Variants in PIK3C2B observed in about 807,000 individuals in gnomAD.
PIK3C2B encodes phosphatidylinositol-4-phosphate 3-kinase catalytic subunit type 2 beta.
Under a neutral mutation model 184.3 loss-of-function variants are expected in PIK3C2B, and 83 were observed. The ratio of observed to expected loss-of-function variants is 0.45; its 90% CI spans 0.38 to 0.54. The LOEUF (loss-of-function observed/expected upper bound fraction) is 0.54, where lower values mean the gene tolerates loss of function less well. Ranked by LOEUF, PIK3C2B falls within the 20% of genes least tolerant of loss-of-function variation. The probability of loss-of-function intolerance (pLI) is 0.00; values close to 1 mark genes in which losing one functional copy is unlikely to be tolerated. For synonymous variants in PIK3C2B, 779 were observed against 837.6 expected (o/e 0.93, Z 1.21); for missense variants, 1,736 against 2,113.5 (o/e 0.82, Z 3.50).
At chr1:204,466,779 A>G (rs1655832914) in intron 2 of PIK3C2B, 1 of 506,848 alleles carries the variant, frequency 2.0e-6, no homozygotes, top group African/African-American at 2.0e-5. Flanking sequence ...ACGTTTGCCC[A>G]GCTGGCAGGC....
At chr1:204,485,245 G>A (rs769610609) in intron 1 of PIK3C2B, among the ~76,000 whole-genome samples, 24 of 151,924 alleles carry the variant, frequency 1.6e-4, no homozygotes, top group Admixed American at 9.2e-4. Flanking sequence ...CTTCAGGAAA[G>A]GAAATCCCCC....
At chr1:204,453,824 A>G (rs1475836429) in intron 12 of PIK3C2B, among the ~76,000 whole-genome samples, 1 of 151,318 alleles carries the variant, frequency 6.6e-6, no homozygotes, top group Non-Finnish European at 1.5e-5. Flanking sequence ...CCCAGGCTGG[A>G]GTGCAATGGC....
chr1:204,485,117 C>T (rs539994796), intron 1 of PIK3C2B, among the ~76,000 whole-genome samples: 11 of 151,156 alleles, frequency 7.3e-5, no homozygotes, highest in Non-Finnish European at 1.3e-4. Flanking sequence ...GGTGTGATCA[C>T]GGATCACTGC....
At chr1:204,468,819 T>C in intron 2 of PIK3C2B, 51 bp downstream of exon 2, 1 of 1,469,414 alleles carries the variant, frequency 6.8e-7, no homozygotes, top group Non-Finnish European at 9.3e-7. Context: ...AGTCCCTGTT[T>C]CTGAAGGACA....
At chr1:204,443,812 GC>G (rs1653598678) in intron 18 of PIK3C2B, among the ~76,000 whole-genome samples, 1 of 152,202 alleles carries the variant, frequency 6.6e-6, no homozygotes. Flanking sequence ...AGAGTTCACA[GC>G]CCCTCTGCAT....
intron 23 of PIK3C2B, 81 bp downstream of exon 23, chr1:204,438,854 T>G (rs1572299724): frequency 5.4e-6 from 8 of 1,485,776 alleles, no homozygotes; most frequent in Middle Eastern, 2.3e-4. Context: ...TCTGAGCAAG[T>G]GCAGGTCTTG....
chr1:204,436,308 T>A (rs1028195819), intron 23 of PIK3C2B, among the ~76,000 whole-genome samples: 3 of 152,118 alleles, frequency 2.0e-5, no homozygotes, highest in African/African-American at 7.2e-5. Context: ...GGTGGGTGAA[T>A]CTCTTGAACC....
chr1:204,431,005 T>G (rs1675025746), intron 28 of PIK3C2B, among the ~76,000 whole-genome samples: 1 of 152,242 alleles, frequency 6.6e-6, no homozygotes. Context: ...ACATAAAATT[T>G]GCCATCTTAA....
intron 2 of PIK3C2B, among the ~76,000 whole-genome samples, chr1:204,465,656 G>A (rs1275550476): frequency 1.3e-5 from 2 of 152,134 alleles, no homozygotes; most frequent in Non-Finnish European, 2.9e-5. Context: ...GCTTTCCGGG[G>A]GATTCTCCCA....
intron 8 of PIK3C2B, among the ~76,000 whole-genome samples, chr1:204,458,532 C>T (rs2103501396): frequency 6.7e-6 from 1 of 149,290 alleles, no homozygotes; most frequent in African/African-American, 2.5e-5. Flanking sequence ...CTTGCTCTGT[C>T]ACCCAGGCTA....
At chr1:204,460,246 A>G in intron 7 of PIK3C2B, 78 bp downstream of exon 7, 1 of 1,213,200 alleles carries the variant, frequency 8.2e-7, no homozygotes, top group East Asian at 2.3e-5. Flanking sequence ...GCCCTGACAG[A>G]AAGGCAAGCA....
At chr1:204,438,900 C>T in intron 23 of PIK3C2B, 35 bp downstream of exon 23, 2 of 1,603,800 alleles carry the variant, frequency 1.2e-6, no homozygotes, top group Non-Finnish European at 1.7e-6. Flanking sequence ...CAGGCACACA[C>T]ACACACCAGA....
At chr1:204,479,059 C>T (rs1656929849) in intron 1 of PIK3C2B, among the ~76,000 whole-genome samples, 2 of 152,216 alleles carry the variant, frequency 1.3e-5, no homozygotes, top group African/African-American at 4.8e-5. Context: ...CAGCTTGTGG[C>T]TCCTCTAAAA....
At chr1:204,454,632 A>T in intron 12 of PIK3C2B, 37 bp downstream of exon 12, 1 of 1,609,816 alleles carries the variant, frequency 6.2e-7, no homozygotes. Flanking sequence ...GCAGGTCTAC[A>T]GTGGCCTGGG....
chr1:204,494,167 G>T (rs559067103), intron 1 of PIK3C2B, among the ~76,000 whole-genome samples, 189 bp downstream of exon 1: 1 of 152,158 alleles, frequency 6.6e-6, no homozygotes, highest in East Asian at 1.9e-4. Flanking sequence ...TGCTCTGCCC[G>T]GCGGGCAGGA....
Position 204,457,806 on chromosome 1 carries a change from G to C in PIK3C2B, c.1635C>G (p.Ala545=). 1.2e-6 allele frequency: 2 copies of C among 1,612,964 alleles called. No homozygotes were observed. Among genetic ancestry groups the C allele is most frequent in the Non-Finnish European group, 1.7e-6 (2 of 1,179,502 alleles). The change falls in exon 9 of 33, where the codon GCC becomes GCG. Residue 545 remains alanine, a synonymous_variant. Coordinates refer to ENST00000684373, the MANE Select transcript of PIK3C2B (RefSeq NM_001377334.1). The part of the protein sequence containing the change: ...SVKAICNALA[A]VETPEITSAL... Reference sequence around the variant, plus strand: ...CACTGGTGATCTCAGGGGTTTCCACGGCGGCCAGGGCGTTGCAGATGGCCT... The same window carrying C: ...CACTGGTGATCTCAGGGGTTTCCACCGCGGCCAGGGCGTTGCAGATGGCCT...
chr1:204,487,012 T>C (rs946752413), intron 1 of PIK3C2B, among the ~76,000 whole-genome samples: 1 of 152,210 alleles, frequency 6.6e-6, no homozygotes, highest in Non-Finnish European at 1.5e-5. Flanking sequence ...TTCATTATGT[T>C]AGCCAGGCTG....
chr1:204,457,217 A>G (rs987078076), intron 9 of PIK3C2B, 147 bp from the exon 10 acceptor site: 3 of 677,938 alleles, frequency 4.4e-6, no homozygotes, highest in Non-Finnish European at 7.8e-6. Flanking sequence ...GGAGAGAGTA[A>G]TGGTTTGTAC....
intron 2 of PIK3C2B, among the ~76,000 whole-genome samples, chr1:204,467,809 T>C (rs1655929967): frequency 9.1e-6 from 1 of 109,920 alleles, no homozygotes; most frequent in African/African-American, 3.5e-5. Flanking sequence ...CACTAAAGCC[T>C]GGTGACAGAG....
Sources: gnomAD v4.1 joint callset for allele counts (sites outside exome capture counted in the v4.1 genomes callset) on GRCh38, gnomAD v4.1.1 for gene constraint, MANE v1.5 for transcripts, NCBI Gene and HGNC (gene_info 2026-07-23, HGNC 2026-07-21) for gene names.